The following C2orf76 variants were observed in gnomAD, a reference collection of about 807,000 sequenced individuals.
C2orf76 encodes the protein UPF0538 protein C2orf76.
C2orf76 carries 23 observed loss-of-function variants against 16.9 expected under a neutral mutation model. That is an observed-to-expected ratio of 1.36 (90% CI 0.98 to 1.93). C2orf76 has a LOEUF of 1.93. Ranked by LOEUF, C2orf76 falls within the 30% of genes most tolerant of loss-of-function variation. The probability of loss-of-function intolerance (pLI) is 0.00; values close to 1 mark genes in which losing one functional copy is unlikely to be tolerated. For synonymous variants in C2orf76, 48 were observed against 52.3 expected, an observed-to-expected ratio of 0.92 and a Z score of 0.35; for missense variants, 152 against 152.6, an observed-to-expected ratio of 1.00 and a Z score of 0.02.
chr2:119,347,913 A>G (rs772658284), intron 1 of C2orf76, among the ~76,000 whole-genome samples: 1 of 151,978 alleles, frequency 6.6e-6, no homozygotes, highest in Non-Finnish European at 1.5e-5. Context: ...AGCAATGGAC[A>G]TCTATAATCC....
intron 1 of C2orf76, among the ~76,000 whole-genome samples, chr2:119,358,636 T>A (rs1680649800): frequency 6.8e-6 from 1 of 146,228 alleles, no homozygotes; most frequent in African/African-American, 2.5e-5. Context: ...AAAGTCTGAG[T>A]GCTCTGGATA....
chr2:119,350,055 G>T (rs1680335038), intron 1 of C2orf76, among the ~76,000 whole-genome samples: 1 of 87,630 alleles, frequency 1.1e-5, no homozygotes, highest in Non-Finnish European at 2.3e-5. Context: ...GAGCCACCAC[G>T]CCCCGCCCAC....
At chr2:119,362,569 T>G (rs1216129213) in intron 1 of C2orf76, among the ~76,000 whole-genome samples, 1 of 152,232 alleles carries the variant, frequency 6.6e-6, no homozygotes, top group Non-Finnish European at 1.5e-5. Context: ...TATTAAAGTA[T>G]GAAGTTGAAC....
intron 2 of C2orf76, among the ~76,000 whole-genome samples, chr2:119,337,241 GT>G (rs58917405): frequency 0.56 from 83,262 of 147,770 alleles, 23,775 homozygotes; most frequent in African/African-American, 0.67. Flanking sequence ...GTTTTGTTTT[GT>G]TTTTTTTTTG....
Position 119,322,714 on chromosome 2 carries a change from C to T in C2orf76, c.134-1510G>A, listed in dbSNP as rs576922547. 2.0e-5 allele frequency among the ~76,000 whole-genome samples: 3 copies of T among 152,212 alleles called. No homozygotes were observed. In the South Asian group the frequency reaches 6.2e-4, roughly 32 times the overall value. ...GTTAAAAGAAAAAGAAGGAAGCTCT[C>T]TACTAACATGATAAGATCTTCAAGT... On this transcript the variant is annotated intron_variant, in intron 2 of 5. Transcript: ENST00000334816.
intron 1 of C2orf76, among the ~76,000 whole-genome samples, chr2:119,363,803 A>G (rs1680830472): frequency 6.6e-6 from 1 of 152,178 alleles, no homozygotes; most frequent in Admixed American, 6.5e-5. Flanking sequence ...AGGCAGAGGG[A>G]TCACTTGAGC....
intron 1 of C2orf76, among the ~76,000 whole-genome samples, chr2:119,360,659 AT>A (rs1472629157): frequency 1.3e-5 from 2 of 152,176 alleles, no homozygotes; most frequent in East Asian, 3.8e-4. Context: ...CAAACCTGCA[AT>A]ATCTCTGAGG....
chr2:119,295,796 C>T, the C2orf76 span, among the ~76,000 whole-genome samples: 1 of 152,194 alleles, frequency 6.6e-6, no homozygotes, highest in South Asian at 2.1e-4. Flanking sequence ...CTTAAAATCT[C>T]ATGGCCTACG....
chr2:119,312,824 G>A (rs1428319011), intron 4 of C2orf76, among the ~76,000 whole-genome samples: 1 of 151,874 alleles, frequency 6.6e-6, no homozygotes, highest in African/African-American at 2.4e-5. Flanking sequence ...TCAGGAGATC[G>A]AGACCATCCT....
intron 2 of C2orf76, among the ~76,000 whole-genome samples, chr2:119,322,077 T>C (rs868852670): frequency 1.3e-5 from 2 of 152,130 alleles, no homozygotes; most frequent in Non-Finnish European, 1.5e-5. Context: ...TTAATTAATA[T>C]CTGCTGGTAC....
At chr2:119,321,308 T>C in intron 2 of C2orf76, 104 bp from the exon 3 acceptor site, 2 of 659,368 alleles carry the variant, frequency 3.0e-6, no homozygotes, top group South Asian at 2.0e-5. Context: ...CTAAGTTACC[T>C]TGAAAAACCT....
chr2:119,299,001 G>A (rs531376968), downstream of C2orf76, among the ~76,000 whole-genome samples: 6 of 152,116 alleles, frequency 3.9e-5, no homozygotes, highest in East Asian at 9.7e-4. Context: ...CTGCAGCCTT[G>A]ACCTCCTGGA....
chr2:119,284,409 G>A, the C2orf76 span, among the ~76,000 whole-genome samples: 1 of 152,126 alleles, frequency 6.6e-6, no homozygotes, highest in African/African-American at 2.4e-5. Flanking sequence ...CTTATTGAGG[G>A]CAGAAAACTT....
At chr2:119,351,951 G>A (rs1224688628) in intron 1 of C2orf76, among the ~76,000 whole-genome samples, 2 of 152,184 alleles carry the variant, frequency 1.3e-5, no homozygotes, top group Non-Finnish European at 2.9e-5. Flanking sequence ...AATTAGGATT[G>A]ACTGTACTAC....
chr2:119,287,097 T>C, the C2orf76 span, among the ~76,000 whole-genome samples: 2 of 152,150 alleles, frequency 1.3e-5, no homozygotes, highest in Non-Finnish European at 2.9e-5. Context: ...CTTCCCCATC[T>C]GTAAGATGCA....
In C2orf76 at chr2:119,307,269, G is replaced by A. The variant is rs557997602; in HGVS notation, c.304+4353C>T. Among the ~76,000 whole-genome samples, 34 of 151,224 alleles carry A rather than the reference G, an allele frequency of 2.2e-4. 1 individual carries two copies. The highest frequency in any genetic ancestry group is 6.1e-4 in the African/African-American group (25 of 41,202). On this transcript the variant is annotated intron_variant, in intron 5 of 5. Coordinates refer to ENST00000334816, the MANE Select transcript of C2orf76 (RefSeq NM_001322331.2). The stretch of plus-strand genomic sequence containing the variant: ...AGCCTGGCCAACGTGGTGAAACCCC[G>A]TCTCTACTAAAAATACAAAAATTAG...
the C2orf76 span, among the ~76,000 whole-genome samples, chr2:119,290,474 A>G: frequency 6.6e-6 from 1 of 152,144 alleles, no homozygotes; most frequent in Non-Finnish European, 1.5e-5. Context: ...AAATAAGACT[A>G]TAGAGGTAAA....
the C2orf76 span, among the ~76,000 whole-genome samples, chr2:119,295,217 G>A: frequency 2.0e-5 from 3 of 152,112 alleles, no homozygotes; most frequent in Admixed American, 1.3e-4. Flanking sequence ...TGTCTATCCT[G>A]AATTACGAGA....
intron 2 of C2orf76, among the ~76,000 whole-genome samples, chr2:119,333,627 G>A (rs535142758): frequency 1.2e-4 from 18 of 152,346 alleles, no homozygotes; most frequent in East Asian, 7.7e-4. Context: ...CTGTCTCTGC[G>A]ACAGTCTGTC....
Sources: gnomAD v4.1 joint callset for allele counts (sites outside exome capture counted in the v4.1 genomes callset) on GRCh38, gnomAD v4.1.1 for gene constraint, MANE v1.5 for transcripts, NCBI Gene and HGNC (gene_info 2026-07-23, HGNC 2026-07-21) for gene names.